Variants in SPRR2A observed in about 807,000 individuals in gnomAD.
The protein encoded by SPRR2A is small proline rich protein 2A.
SPRR2A carries 3 observed loss-of-function variants against 1.2 expected under a neutral mutation model. The observed-to-expected ratio is 2.56, with a 90% confidence interval of 1.17 to 6.62. The LOEUF is 6.62. Among genes scored for constraint, SPRR2A ranks in the 30% most tolerant of loss-of-function variants. The pLI, the probability that SPRR2A is intolerant of heterozygous loss-of-function variation, is 0.02. For synonymous variants in SPRR2A, 31 were observed against 33.1 expected (o/e 0.94, Z 0.21); for missense variants, 66 against 87.8 (o/e 0.75, Z 0.99).
At chr1:153,056,868 A>T in intron 1 of SPRR2A, 114 bp from the exon 2 acceptor site, 1 of 1,466,686 alleles carries the variant, frequency 6.8e-7, no homozygotes, top group Admixed American at 2.3e-5. Flanking sequence ...AATTATTTAA[A>T]TTCTTAATTA....
chr1:153,056,306 G>T lies in SPRR2A; in HGVS notation c.*211C>A, dbSNP rs969313166. 1.8e-5 allele frequency: 16 copies of T among 887,990 alleles called. No homozygotes were observed. The highest frequency in any genetic ancestry group is 2.7e-5 in the Non-Finnish European group (16 of 597,152). 55.0% of individuals were successfully genotyped at this position (887,990 alleles called of 1,614,324 possible). On this transcript the variant is annotated 3_prime_UTR_variant, in exon 2 of 2. Transcript: ENST00000392653. ...GCTGGCACAGCCCAGGACTTCCTTT[G>T]CTCAGTCTCCACCTGGACAGTGGCA...
rs1411889448 is a variant in SPRR2A, at chr1:153,056,298, C to T, written c.*219G>A. On this transcript the variant is annotated 3_prime_UTR_variant, in exon 2 of 2. Transcript: ENST00000392653. ...CTCTGGGAGCTGGCACAGCCCAGGA[C>T]TTCCTTTGCTCAGTCTCCACCTGGA... 1.3e-5 allele frequency: 11 copies of T among 826,152 alleles called. No homozygotes were observed. The South Asian group carries it at 2.0e-4, about 15-fold the overall frequency. The allele number at this position is 826,152 out of a possible 1,614,324, so 51.2% of individuals were successfully genotyped here.
rs902317665 is a variant in SPRR2A at position 153,056,647 on chromosome 1, G to A, written c.89C>T (p.Pro30Leu). The A allele has an allele frequency of 4.6e-5, 74 of 1,610,592 alleles. No homozygotes were observed. Among genetic ancestry groups the A allele is most frequent in the Middle Eastern group, 2.2e-4 (1 of 4,464 alleles). The change falls in exon 2 of 2, where the codon CCG becomes CTG. Residue 30 changes from proline (P) to leucine (L), a missense_variant. Pro to Leu is a moderately conservative substitution (Grantham distance 98). Coordinates refer to ENST00000392653, the MANE Select transcript of SPRR2A (RefSeq NM_005988.3). ...TPKCPEPCPPPKCPEPCPPPK... is the reference protein window; with the variant it reads ...TPKCPEPCPPLKCPEPCPPPK... ...TGGTGGGCAGGGCTCAGGGCACTTC[G>A]GGGGTGGACATGGCTCTGGGCACTT...
chr1:153,056,557 G>T lies in SPRR2A; in HGVS notation c.179C>A (p.Ser60Tyr), dbSNP rs1654353408. Residue 60 changes from serine (S) to tyrosine (Y), a missense_variant, in exon 2 of 2, where the codon TCC becomes TAC. Coordinates refer to ENST00000392653, the MANE Select transcript of SPRR2A (RefSeq NM_005988.3). ...CQQKYPPVTP[S>Y]PPCQSKYPPK... ...TGGATACTTTGACTGGCAGGGTGGG[G>T]AAGGTGTCACAGGAGGATATTTCTG... The T allele has an allele frequency of 1.2e-6, 2 of 1,612,252 alleles. No individual in the cohort carries two copies. Among genetic ancestry groups the T allele is most frequent in the African/African-American group, 2.7e-5 (2 of 74,864 alleles).
chr1:153,056,385 A>T lies in SPRR2A; in HGVS notation c.*132T>A. On this transcript the variant is annotated 3_prime_UTR_variant, in exon 2 of 2. Coordinates refer to ENST00000392653, the MANE Select transcript of SPRR2A (RefSeq NM_005988.3). Reference sequence around the variant, plus strand: ...TGCTGTCAGGGATCATCATGGGCAGATTACTGGCTAAGGAGAAAGAAGCTC... The same window carrying T: ...TGCTGTCAGGGATCATCATGGGCAGTTTACTGGCTAAGGAGAAAGAAGCTC... 1 of 1,463,224 alleles carries T rather than the reference A, an allele frequency of 6.8e-7. No homozygotes were observed. The highest frequency in any genetic ancestry group is 9.2e-7 in the Non-Finnish European group (1 of 1,089,818). The allele number at this position is 1,463,224 out of a possible 1,614,324, so 90.6% of individuals were successfully genotyped here. A position where few individuals can be genotyped will look rare whatever the true frequency, so the allele number is the denominator to read the frequency against.
chr1:153,056,383 A>C lies in SPRR2A; in HGVS notation c.*134T>G. ...TTTGCTGTCAGGGATCATCATGGGC[A>C]GATTACTGGCTAAGGAGAAAGAAGC... On this transcript the variant is annotated 3_prime_UTR_variant, in exon 2 of 2. Coordinates refer to ENST00000392653, the MANE Select transcript of SPRR2A (RefSeq NM_005988.3). 1 of 1,449,148 alleles carries C rather than the reference A, an allele frequency of 6.9e-7. No homozygotes were observed. The highest frequency in any genetic ancestry group is 2.6e-4 in the Middle Eastern group (1 of 3,866). 89.8% of individuals were successfully genotyped at this position (1,449,148 alleles called of 1,614,324 possible).
chr1:153,056,979 A>G (rs2101603854), intron 1 of SPRR2A, among the ~76,000 whole-genome samples: 1 of 152,316 alleles, frequency 6.6e-6, no homozygotes. Context: ...CAAATAAATT[A>G]TCTCTGTTAT....
At chr1:153,057,160 C>A (rs1654370420) in intron 1 of SPRR2A, among the ~76,000 whole-genome samples, 1 of 152,118 alleles carries the variant, frequency 6.6e-6, no homozygotes, top group African/African-American at 2.4e-5. Context: ...GAATTGTAGT[C>A]TTTCACACCT....
chr1:153,056,421 CATGGTAGGCTTTG>C lies in SPRR2A; in HGVS notation c.*83_*95del. On this transcript the variant is annotated 3_prime_UTR_variant, in exon 2 of 2. Transcript: ENST00000392653. The stretch of plus-strand genomic sequence containing the variant: ...AGGAGAAAGAAGCTCCCTGTGTATC[CATGGTAGGCTTTG>C]ATGAGAAGATGAAGGTGGAGCTGTG... The C allele has an allele frequency of 1.3e-6, 2 of 1,539,470 alleles. No individual in the cohort carries two copies. The highest frequency in any genetic ancestry group is 2.3e-5 in the East Asian group (1 of 44,240).
At position 153,056,607 on chromosome 1, in the gene SPRR2A, C is replaced by T. The variant is rs749049707; in HGVS notation, c.129G>A (p.Gln43=). The T allele has an allele frequency of 2.5e-6, 4 of 1,611,672 alleles. No individual in the cohort carries two copies. The South Asian group carries it at 4.4e-5, about 18-fold the overall frequency. ...PEPCPPPKCP[Q]PCPPQQCQQK... is the part of the protein sequence containing the mutation. Reference sequence around the variant, plus strand: ...GCTGGCACTGCTGAGGTGGGCAGGGCTGTGGACACTTTGGTGGTGGGCAGG... The same window carrying T: ...GCTGGCACTGCTGAGGTGGGCAGGGTTGTGGACACTTTGGTGGTGGGCAGG... Residue 43 remains glutamine, a synonymous_variant, in exon 2 of 2, where the codon CAG becomes CAA. Coordinates refer to ENST00000392653, the MANE Select transcript of SPRR2A (RefSeq NM_005988.3).
rs1375402372 is a variant in SPRR2A at position 153,056,479 on chromosome 1, T to C, written c.*38A>G. 1.9e-6 allele frequency: 3 copies of C among 1,603,648 alleles called. No homozygotes were observed. The highest frequency in any genetic ancestry group is 2.2e-5 in the East Asian group (1 of 44,814). On this transcript the variant is annotated 3_prime_UTR_variant, in exon 2 of 2. Transcript: ENST00000392653. Reference sequence around the variant, plus strand: ...GCTGTGGAACGAGGTGAGCCAAATATCCTTATCCTTTCTTGGTCCTGATGA... The same window carrying C: ...GCTGTGGAACGAGGTGAGCCAAATACCCTTATCCTTTCTTGGTCCTGATGA...
chr1:153,056,804 G>A (rs1414395522), intron 1 of SPRR2A, 50 bp from the exon 2 acceptor site: 23 of 1,600,424 alleles, frequency 1.4e-5, no homozygotes, highest in East Asian at 2.2e-5. Context: ...CCTCCAGAGA[G>A]AGAAGCCAAA....
At chr1:153,057,195 G>T (rs1485175645) in intron 1 of SPRR2A, among the ~76,000 whole-genome samples, 1 of 152,092 alleles carries the variant, frequency 6.6e-6, no homozygotes, top group Non-Finnish European at 1.5e-5. Context: ...CTTTGTAAAG[G>T]ACACTAGAAA....
intron 1 of SPRR2A, among the ~76,000 whole-genome samples, chr1:153,057,063 CA>C (rs1298197080): frequency 1.3e-5 from 2 of 152,208 alleles, no homozygotes; most frequent in East Asian, 3.9e-4. Context: ...ACACCCTGGG[CA>C]ATCTAATATG....
At chr1:153,056,810 C>T in intron 1 of SPRR2A, 56 bp from the exon 2 acceptor site, 1 of 1,600,302 alleles carries the variant, frequency 6.2e-7, no homozygotes, top group South Asian at 1.1e-5. Context: ...GAGAGAGAAG[C>T]CAAAGCTTGT....
Position 153,056,421 on chromosome 1 carries a change from C to G in SPRR2A, c.*96G>C, listed in dbSNP as rs763297591. 1.1e-5 allele frequency: 17 copies of G among 1,539,352 alleles called. 1 individual carries two copies. In the East Asian group the frequency reaches 3.6e-4, roughly 33 times the overall value. ...AGGAGAAAGAAGCTCCCTGTGTATC[C>G]ATGGTAGGCTTTGATGAGAAGATGA... On this transcript the variant is annotated 3_prime_UTR_variant, in exon 2 of 2. Transcript: ENST00000392653.
rs1654344427 is a variant in SPRR2A, at chr1:153,056,350, A to G, written c.*167T>C. On this transcript the variant is annotated 3_prime_UTR_variant, in exon 2 of 2. Transcript: ENST00000392653. Reference sequence around the variant, plus strand: ...AGTGGCAGTATGGCAGCCTCAGAAAAGAAACTTTTTGCTGTCAGGGATCAT... The same window carrying G: ...AGTGGCAGTATGGCAGCCTCAGAAAGGAAACTTTTTGCTGTCAGGGATCAT... The G allele has an allele frequency of 1.5e-6, 2 of 1,294,120 alleles. No homozygotes were observed. The highest frequency in any genetic ancestry group is 2.1e-6 in the Non-Finnish European group (2 of 954,602). 80.2% of individuals were successfully genotyped at this position (1,294,120 alleles called of 1,614,324 possible).
intron 1 of SPRR2A, among the ~76,000 whole-genome samples, chr1:153,057,170 T>C (rs932841210): frequency 1.3e-5 from 2 of 152,128 alleles, no homozygotes; most frequent in African/African-American, 4.8e-5. Flanking sequence ...CTTTCACACC[T>C]GCTAAGACAC....
rs889936725 is a variant in SPRR2A, at chr1:153,056,228, C to G, written c.*289G>C. On this transcript the variant is annotated 3_prime_UTR_variant, in exon 2 of 2. Coordinates refer to ENST00000392653, the MANE Select transcript of SPRR2A (RefSeq NM_005988.3). ...AGACACAGAACACATCAACAGAATT[C>G]TCTGATGGTTCCCAGGGAGAGAGCT... is the stretch of plus-strand genomic sequence containing the variant. 2.4e-5 allele frequency: 13 copies of G among 537,486 alleles called. No individual in the cohort carries two copies. Among genetic ancestry groups the G allele is most frequent in the South Asian group, 6.9e-5 (2 of 28,934 alleles). 33.3% of individuals were successfully genotyped at this position (537,486 alleles called of 1,614,324 possible). A position where few individuals can be genotyped will look rare whatever the true frequency, so the allele number is the denominator to read the frequency against.
Sources: allele counts gnomAD v4.1 joint callset (sites outside exome capture counted in the v4.1 genomes callset), GRCh38; gene constraint gnomAD v4.1.1; transcripts MANE v1.5; gene names NCBI Gene and HGNC (gene_info 2026-07-23, HGNC 2026-07-21).